ANK3: variants seen among roughly 807,000 people sequenced by gnomAD.
ANK3 encodes the protein ankyrin-3.
ANK3 carries 57 observed loss-of-function variants against 370.9 expected under a neutral mutation model. The ratio of observed to expected loss-of-function variants is 0.15; its 90% CI spans 0.12 to 0.19. The LOEUF (loss-of-function observed/expected upper bound fraction) is 0.19. Ranked by LOEUF, ANK3 falls within the 10% of genes least tolerant of loss-of-function variation. The probability of loss-of-function intolerance (pLI) is 1.00; values close to 1 mark genes in which losing one functional copy is unlikely to be tolerated. For synonymous variants in ANK3, 1,929 were observed against 1,946.3 expected (o/e 0.99, Z 0.23); for missense variants, 4,439 against 5,302.1 (o/e 0.84, Z 5.06).
intron 2 of ANK3, among the ~76,000 whole-genome samples, chr10:60,520,660 C>A (rs1458774474): frequency 6.6e-6 from 1 of 152,090 alleles, no homozygotes; most frequent in Non-Finnish European, 1.5e-5. Context: ...TAAACTTCTC[C>A]AGCAAAGGCC....
chr10:60,123,543 T>A (rs10761460), intron 25 of ANK3, among the ~76,000 whole-genome samples: 5 of 151,976 alleles, frequency 3.3e-5, no homozygotes, highest in African/African-American at 1.2e-4. Flanking sequence ...TTAACTCCAA[T>A]ATTAGTAATT....
At chr10:60,146,694 G>C (rs2094842971) in intron 23 of ANK3, among the ~76,000 whole-genome samples, 1 of 152,092 alleles carries the variant, frequency 6.6e-6, no homozygotes, top group African/African-American at 2.4e-5. Flanking sequence ...CCACCATATT[G>C]GCCAGGCTGG....
intron 8 of ANK3, among the ~76,000 whole-genome samples, chr10:60,218,916 T>C (rs1324830540): frequency 6.6e-6 from 1 of 151,808 alleles, no homozygotes; most frequent in African/African-American, 2.4e-5. Context: ...CCTTCTCATA[T>C]TCTAGTAGTA....
intron 12 of ANK3, 152 bp downstream of exon 12, chr10:60,202,850 T>G (rs2096705807): frequency 1.9e-6 from 1 of 528,256 alleles, no homozygotes; most frequent in Non-Finnish European, 3.3e-6. Context: ...AAGGCTGCAG[T>G]GAGCTATGAT....
chr10:60,183,380 G>A (rs957342864), intron 17 of ANK3, among the ~76,000 whole-genome samples: 2 of 151,574 alleles, frequency 1.3e-5, no homozygotes, highest in Admixed American at 6.6e-5. Flanking sequence ...TTAAATCAGA[G>A]AAAAAAAATC....
chr10:60,243,657 C>T (rs1260832061), intron 7 of ANK3, among the ~76,000 whole-genome samples: 1 of 152,122 alleles, frequency 6.6e-6, no homozygotes, highest in Non-Finnish European at 1.5e-5. Flanking sequence ...AAGAATGGTG[C>T]TTGGCATTTA....
intron 1 of ANK3, among the ~76,000 whole-genome samples, chr10:60,653,250 C>A (rs2078816321): frequency 6.6e-6 from 1 of 152,054 alleles, no homozygotes; most frequent in Admixed American, 6.6e-5. Context: ...AAATATTTTT[C>A]TTCTAGTTTT....
rs542593605 is a variant in ANK3 at position 60,420,370 on chromosome 10, A to C, written c.97-140731T>G. On this transcript the variant is annotated intron_variant, in intron 2 of 43. Transcript: ENST00000373827. Reference sequence around the variant, plus strand: ...GTTGAGAGCCTGGACCACAGAAAGCATCTTCTCTCAGAAACTTACAGTCTA... The same window carrying C: ...GTTGAGAGCCTGGACCACAGAAAGCCTCTTCTCTCAGAAACTTACAGTCTA... Among the ~76,000 whole-genome samples, 103 of 152,228 alleles carry C rather than the reference A, an allele frequency of 6.8e-4. 1 individual carries two copies. The highest frequency in any genetic ancestry group is 2.4e-3 in the African/African-American group (100 of 41,558).
chr10:60,170,394 T>C (rs955847593), intron 21 of ANK3, among the ~76,000 whole-genome samples: 1 of 152,200 alleles, frequency 6.6e-6, no homozygotes, highest in South Asian at 2.1e-4. Flanking sequence ...CTTAAAGTCA[T>C]AGACTCCACC....
At chr10:60,707,195 A>G (rs2079632862) in intron 1 of ANK3, among the ~76,000 whole-genome samples, 1 of 152,182 alleles carries the variant, frequency 6.6e-6, no homozygotes. Context: ...CTAATTTTAG[A>G]CTACAGATGT....
intron 20 of ANK3, 139 bp from the exon 21 acceptor site, chr10:60,172,542 T>TCTACATG: frequency 1.4e-6 from 1 of 720,118 alleles, no homozygotes; most frequent in Admixed American, 2.3e-5. Context: ...GAGACATACC[T>TCTACATG]TGCACAAAAC....
chr10:60,730,159 T>C (rs2080000531), intron 1 of ANK3, among the ~76,000 whole-genome samples: 1 of 152,132 alleles, frequency 6.6e-6, no homozygotes. Flanking sequence ...ATTTTTGTTT[T>C]TGAGACAGGG....
chr10:60,732,298 C>T (rs1297035119), intron 1 of ANK3, among the ~76,000 whole-genome samples: 1 of 152,198 alleles, frequency 6.6e-6, no homozygotes, highest in Non-Finnish European at 1.5e-5. Context: ...TTCTCAGGAA[C>T]CTTTCCCTAG....
At chr10:60,400,968 T>C (rs542735922) in intron 2 of ANK3, among the ~76,000 whole-genome samples, 2 of 152,256 alleles carry the variant, frequency 1.3e-5, no homozygotes, top group South Asian at 4.1e-4. Flanking sequence ...AAAATAAAAA[T>C]AATTTTGAAA....
chr10:60,414,247 C>T (rs768596136), intron 2 of ANK3, among the ~76,000 whole-genome samples: 63 of 152,140 alleles, frequency 4.1e-4, no homozygotes, highest in Non-Finnish European at 6.5e-4. Flanking sequence ...AGAATAGATT[C>T]AATCCTGTTC....
chr10:60,407,778 C>T (rs2063484000), intron 2 of ANK3, among the ~76,000 whole-genome samples: 1 of 152,162 alleles, frequency 6.6e-6, no homozygotes. Context: ...TGAAGACTGT[C>T]AATAAATATT....
At chr10:60,694,371 C>T (rs893235272) in intron 1 of ANK3, among the ~76,000 whole-genome samples, 5 of 152,182 alleles carry the variant, frequency 3.3e-5, no homozygotes, top group Admixed American at 2.6e-4. Flanking sequence ...GGCAGGCCAA[C>T]ATTCAGATGC....
intron 2 of ANK3, among the ~76,000 whole-genome samples, chr10:60,593,456 T>C (rs2077944873): frequency 6.6e-6 from 1 of 152,184 alleles, no homozygotes; most frequent in Non-Finnish European, 1.5e-5. Flanking sequence ...GCAGGTAATA[T>C]AGAATAATAA....
chr10:60,733,440 AAGCGCGGCCCCGCGACGCCCGCCC>A lies in ANK3; in HGVS notation c.-145_-122del, dbSNP rs1016307969. The stretch of plus-strand genomic sequence containing the variant: ...AGTTCGGCCGCGGCTCAGGAACACC[AAGCGCGGCCCCGCGACGCCCGCCC>A]AGCGCGGCCTATCCTCCTCCTGCTG... On this transcript the variant is annotated 5_prime_UTR_variant, in exon 1 of 44. Coordinates refer to the ANK3 transcript ENST00000373827. 1.3e-5 allele frequency: 12 copies of A among 908,664 alleles called. No homozygotes were observed. In the South Asian group the frequency reaches 3.4e-4, roughly 26 times the overall value. 56.3% of individuals were successfully genotyped at this position (908,664 alleles called of 1,614,324 possible).
Sources: gnomAD v4.1 joint callset for allele counts (sites outside exome capture counted in the v4.1 genomes callset) on GRCh38, gnomAD v4.1.1 for gene constraint, MANE v1.5 for transcripts, NCBI Gene and HGNC (gene_info 2026-07-23, HGNC 2026-07-21) for gene names.